The following GRIP1 variants were observed in gnomAD, a reference collection of about 807,000 sequenced individuals.
The protein encoded by GRIP1 is glutamate receptor-interacting protein 1.
In GRIP1, 45 loss-of-function variants were observed where a neutral mutation model predicts 129.9. That is an observed-to-expected ratio of 0.35 (90% CI 0.27 to 0.44). The LOEUF (loss-of-function observed/expected upper bound fraction) is 0.44. Ranked by LOEUF, GRIP1 falls within the 20% of genes least tolerant of loss-of-function variation. The pLI is 1.00. For missense variants in GRIP1, 1,196 were observed against 1,396.8 expected (o/e 0.86, Z 2.29); for synonymous variants, 530 against 520.8 (o/e 1.02, Z -0.24).
intron 1 of GRIP1, among the ~76,000 whole-genome samples, chr12:66,719,122 C>CA (rs1283130061): frequency 6.6e-6 from 1 of 151,666 alleles, no homozygotes; most frequent in African/African-American, 2.4e-5. Flanking sequence ...CATATAGAGG[C>CA]AAAAAACAAT....
intron 7 of GRIP1, among the ~76,000 whole-genome samples, chr12:66,479,024 A>G (rs1280335490): frequency 1.3e-5 from 2 of 151,802 alleles, no homozygotes; most frequent in Non-Finnish European, 2.9e-5. Flanking sequence ...AACCTAAAGT[A>G]TAATAAAAAA....
intron 1 of GRIP1, among the ~76,000 whole-genome samples, chr12:67,039,162 G>A (rs1171967636): frequency 2.6e-5 from 4 of 152,132 alleles, no homozygotes; most frequent in South Asian, 4.1e-4. Flanking sequence ...TTATATTTGT[G>A]GTCAGGTGGA....
In GRIP1 at chr12:66,347,767, T is replaced by A. The variant is rs1208092340; in HGVS notation, c.*1252A>T. Reference sequence around the variant, plus strand: ...ACAAAAAGAAAGGTGATTTTTTTTTTATATTTCCTTAAACAAAGGACACAG... The same window carrying A: ...ACAAAAAGAAAGGTGATTTTTTTTTAATATTTCCTTAAACAAAGGACACAG... On this transcript the variant is annotated 3_prime_UTR_variant, in exon 25 of 25. Transcript: ENST00000359742. 4 of 149,548 alleles carry A rather than the reference T, an allele frequency of 2.7e-5. No individual in the cohort carries two copies. Among genetic ancestry groups the A allele is most frequent in the South Asian group, 2.1e-4 (1 of 4,724 alleles). 9.3% of individuals were successfully genotyped at this position (149,548 alleles called of 1,614,324 possible).
intron 1 of GRIP1, among the ~76,000 whole-genome samples, chr12:66,602,105 T>C (rs961011310): frequency 3.3e-5 from 5 of 152,178 alleles, no homozygotes; most frequent in African/African-American, 1.2e-4. Flanking sequence ...AAACAAGCCA[T>C]TTTAGGCTTT....
At chr12:66,658,404 C>T (rs963904270) in intron 1 of GRIP1, among the ~76,000 whole-genome samples, 2 of 152,052 alleles carry the variant, frequency 1.3e-5, no homozygotes, top group Non-Finnish European at 2.9e-5. Flanking sequence ...GTAATCCATT[C>T]CTTTTGGGAG....
chr12:66,755,877 A>G (rs2037273126), intron 1 of GRIP1, among the ~76,000 whole-genome samples: 1 of 152,066 alleles, frequency 6.6e-6, no homozygotes, highest in Non-Finnish European at 1.5e-5. Flanking sequence ...TCTTTTCTCC[A>G]GCCTATCCAG....
At chr12:66,564,697 G>A (rs1255892467) in intron 2 of GRIP1, among the ~76,000 whole-genome samples, 4 of 152,074 alleles carry the variant, frequency 2.6e-5, no homozygotes, top group Non-Finnish European at 4.4e-5. Context: ...CTGAGGAATC[G>A]CCACACTGTC....
At chr12:66,938,768 C>T (rs2041531971) in intron 1 of GRIP1, among the ~76,000 whole-genome samples, 1 of 152,136 alleles carries the variant, frequency 6.6e-6, no homozygotes, top group Non-Finnish European at 1.5e-5. Flanking sequence ...ACCATCCTGG[C>T]CAACATGGTG....
At chr12:66,606,976 A>T (rs913558289) in intron 1 of GRIP1, among the ~76,000 whole-genome samples, 40 of 151,594 alleles carry the variant, frequency 2.6e-4, no homozygotes, top group African/African-American at 9.2e-4. Flanking sequence ...CCAAAATTTG[A>T]TTCACATCCT....
chr12:66,912,087 T>C (rs141496194), intron 1 of GRIP1, among the ~76,000 whole-genome samples: 155 of 152,350 alleles, frequency 1.0e-3, no homozygotes, highest in African/African-American at 3.4e-3. Flanking sequence ...TTGTAATGAT[T>C]ACAACTTTTA....
intron 1 of GRIP1, among the ~76,000 whole-genome samples, chr12:66,628,725 A>G (rs2030393979): frequency 6.6e-6 from 1 of 152,240 alleles, no homozygotes; most frequent in African/African-American, 2.4e-5. Context: ...CAACTGGGGA[A>G]GAGGTTGCTG....
intron 1 of GRIP1, among the ~76,000 whole-genome samples, chr12:66,798,495 C>T (rs2038764807): frequency 1.3e-5 from 2 of 152,140 alleles, no homozygotes; most frequent in Non-Finnish European, 2.9e-5. Flanking sequence ...TATTCAGTAA[C>T]TTGCCTTGTC....
At chr12:66,543,152 G>C (rs1467040514) in intron 2 of GRIP1, among the ~76,000 whole-genome samples, 1 of 152,126 alleles carries the variant, frequency 6.6e-6, no homozygotes, top group Non-Finnish European at 1.5e-5. Flanking sequence ...GGAGAACAGA[G>C]TACTTGGGGG....
At chr12:66,710,309 TC>T (rs1384922804) in intron 1 of GRIP1, among the ~76,000 whole-genome samples, 4 of 152,028 alleles carry the variant, frequency 2.6e-5, no homozygotes, top group African/African-American at 9.7e-5. Flanking sequence ...TTTTGGTAAC[TC>T]TTAAAATAAT....
At chr12:66,770,559 A>C (rs951528947) in intron 1 of GRIP1, among the ~76,000 whole-genome samples, 1 of 152,164 alleles carries the variant, frequency 6.6e-6, no homozygotes, top group Non-Finnish European at 1.5e-5. Flanking sequence ...CTGGGTCAGC[A>C]CCTGGAGAAG....
chr12:67,057,184 G>A (rs1279675087), intron 1 of GRIP1, among the ~76,000 whole-genome samples: 1 of 152,094 alleles, frequency 6.6e-6, no homozygotes, highest in Middle Eastern at 3.2e-3. Context: ...GTTGCATTTG[G>A]AGATTAAAGG....
In GRIP1 at chr12:66,379,516, G is replaced by A; in HGVS notation, c.2465-80C>T. On this transcript the variant is annotated intron_variant, in intron 19 of 24. Transcript: ENST00000359742. ...GAAATGACATTGTTAACCAGTAGAGGAGTCAAATTATAACGGCAATGACAA... is the reference window on the plus strand; with the variant it reads ...GAAATGACATTGTTAACCAGTAGAGAAGTCAAATTATAACGGCAATGACAA... 6 of 1,383,684 alleles carry A rather than the reference G, an allele frequency of 4.3e-6. 1 individual carries two copies. Among genetic ancestry groups the A allele is most frequent in the South Asian group, 3.5e-5 (3 of 85,984 alleles). The allele number at this position is 1,383,684 out of a possible 1,614,324, so 85.7% of individuals were successfully genotyped here.
At chr12:66,991,236 G>A (rs1234702290) in intron 1 of GRIP1, among the ~76,000 whole-genome samples, 3 of 152,088 alleles carry the variant, frequency 2.0e-5, no homozygotes, top group Non-Finnish European at 4.4e-5. Context: ...TCACGCCACT[G>A]CACTCAAGCG....
intron 4 of GRIP1, among the ~76,000 whole-genome samples, chr12:66,533,616 G>A (rs376109771): frequency 6.6e-6 from 1 of 152,028 alleles, no homozygotes; most frequent in Non-Finnish European, 1.5e-5. Flanking sequence ...CTGCACTCCG[G>A]CCTGGGTGAC....
Sources: gnomAD v4.1 joint callset for allele counts (sites outside exome capture counted in the v4.1 genomes callset) on GRCh38, gnomAD v4.1.1 for gene constraint, MANE v1.5 for transcripts, NCBI Gene and HGNC (gene_info 2026-07-23, HGNC 2026-07-21) for gene names.